The following SYTL2 variants were observed in gnomAD, a reference collection of about 807,000 sequenced individuals.
The protein encoded by SYTL2 is synaptotagmin-like protein 2.
In SYTL2, 165 loss-of-function variants were observed where a neutral mutation model predicts 198.7. The ratio of observed to expected loss-of-function variants is 0.83; its 90% CI spans 0.73 to 0.94. The LOEUF (loss-of-function observed/expected upper bound fraction) is 0.94. Ranked by LOEUF, SYTL2 falls within the 40% of genes least tolerant of loss-of-function variation. The pLI is 0.00. For synonymous variants in SYTL2, 966 were observed against 917.7 expected (o/e 1.05, Z -0.95); for missense variants, 2,835 against 2,582.8 (o/e 1.10, Z -2.12).
rs1391278869 is a variant in SYTL2 at position 85,724,425 on chromosome 11, CA to C, written c.4932del (p.Val1645Ter). 4 of 1,607,646 alleles carry C rather than the reference CA, an allele frequency of 2.5e-6. No homozygotes were observed. The highest frequency in any genetic ancestry group is 2.5e-6 in the Non-Finnish European group (3 of 1,177,550). ...QCDKMLGGDA[L>X]VTDLLVDFCG... ...CAAAAATCTACCAATAAATCAGTCA[CA>C]AGTGCGTCTCCTCCCAACATTTTAT... On this transcript the variant is annotated frameshift_variant, in exon 8 of 20. Coordinates refer to ENST00000359152, the MANE Select transcript of SYTL2 (RefSeq NM_206927.4). LOFTEE classifies it high-confidence loss of function.
chr11:85,769,621 C>A (rs556140556), intron 1 of SYTL2, among the ~76,000 whole-genome samples: 1 of 152,200 alleles, frequency 6.6e-6, no homozygotes, highest in South Asian at 2.1e-4. Flanking sequence ...TCTGAGGACA[C>A]GATGTTACTT....
chr11:85,812,092 G>A (rs1379922110), upstream of SYTL2, among the ~76,000 whole-genome samples: 1 of 152,194 alleles, frequency 6.6e-6, no homozygotes, highest in Non-Finnish European at 1.5e-5. Context: ...GGGTGACAGA[G>A]CAAGACTCTG....
intron 1 of SYTL2, among the ~76,000 whole-genome samples, chr11:85,799,965 A>C (rs1334054596): frequency 2.6e-5 from 4 of 152,204 alleles, no homozygotes; most frequent in African/African-American, 9.6e-5. Flanking sequence ...ACAAATGTTC[A>C]CTGTTTAATA....
chr11:85,825,201 A>C, the SYTL2 span, among the ~76,000 whole-genome samples: 1 of 152,060 alleles, frequency 6.6e-6, no homozygotes, highest in Non-Finnish European at 1.5e-5. Context: ...ATCCCGGCTA[A>C]AACGGTGAAA....
chr11:85,729,579 A>C (rs2153475316), intron 7 of SYTL2, among the ~76,000 whole-genome samples: 1 of 152,342 alleles, frequency 6.6e-6, no homozygotes, highest in African/African-American at 2.4e-5. Flanking sequence ...TCTCTGGGAC[A>C]CAGCTAAACC....
intron 1 of SYTL2, among the ~76,000 whole-genome samples, chr11:85,800,938 C>T (rs1409636107): frequency 1.3e-5 from 2 of 152,222 alleles, no homozygotes; most frequent in Non-Finnish European, 2.9e-5. Flanking sequence ...CCCCAAGGAA[C>T]CCAGGTAATG....
intron 1 of SYTL2, among the ~76,000 whole-genome samples, chr11:85,773,791 A>C: frequency 6.6e-6 from 1 of 152,364 alleles, no homozygotes. Context: ...ACTGTCTCTA[A>C]GCCTTTGCCT....
At chr11:85,781,285 G>GT (rs2092555519) in intron 1 of SYTL2, among the ~76,000 whole-genome samples, 1 of 152,082 alleles carries the variant, frequency 6.6e-6, no homozygotes, top group Admixed American at 6.5e-5. Flanking sequence ...ATCAGATCTT[G>GT]TAAGAACTGA....
At chr11:85,696,657 G>A (rs930286397) in intron 18 of SYTL2, among the ~76,000 whole-genome samples, 4 of 152,004 alleles carry the variant, frequency 2.6e-5, no homozygotes, top group Non-Finnish European at 4.4e-5. Context: ...TCAACCTTAC[G>A]GACACTTGCT....
chr11:85,734,605 T>A lies in SYTL2; in HGVS notation c.724A>T (p.Ile242Phe), dbSNP rs150613443. The A allele has an allele frequency of 6.2e-7, 1 of 1,614,212 alleles. No homozygotes were observed. The highest frequency in any genetic ancestry group is 8.5e-7 in the Non-Finnish European group (1 of 1,180,026). ...KAPIPKARKM[I>F]YKSTDLNKDD... ...TTGTTTAAATCAGTTGATTTGTAGA[T>A]CATCTTCCTGGCTTTGGGGATTGGA... Residue 242 changes from isoleucine (I) to phenylalanine (F), a missense_variant, in exon 7 of 20, where the codon ATC becomes TTC. Physicochemically the swap from Ile to Phe is conservative, Grantham distance 21. This residue lies in a region of SYTL2 where 2,645 missense variants were observed against 2,381.7 expected (regional missense o/e 1.11). Coordinates refer to ENST00000359152, the MANE Select transcript of SYTL2 (RefSeq NM_206927.4).
Position 85,725,368 on chromosome 11 carries a change from ATCTTGG to A in SYTL2, c.3984_3989del (p.Gln1329_Asp1330del). 1 of 1,614,044 alleles carries A rather than the reference ATCTTGG, an allele frequency of 6.2e-7. No individual in the cohort carries two copies. Among genetic ancestry groups the A allele is most frequent in the Non-Finnish European group, 8.5e-7 (1 of 1,179,978 alleles). On this transcript the variant is annotated inframe_deletion, in exon 8 of 20. Transcript: ENST00000359152. ...GATGAGCATCCTGGGGAAAAAGCAT[ATCTTGG>A]GGAGGGCTGGCCACATCCCCAAAAG...
rs1460248611 is a variant in SYTL2, at chr11:85,727,870, T to C, written c.1488A>G (p.Leu496=). ...QQGKPPPLPA[L]KAKTSSRSGP... ...CAGAACGTGAAGATGTCTTAGCTTT[T>C]AGAGCCGGGAGAGGAGGGGGCTTAC... The change falls in exon 8 of 20, where the codon CTA becomes CTG. Residue 496 remains leucine, a synonymous_variant. Coordinates refer to ENST00000359152, the MANE Select transcript of SYTL2 (RefSeq NM_206927.4). The C allele has an allele frequency of 1.9e-6, 3 of 1,613,102 alleles. No homozygotes were observed. Among genetic ancestry groups the C allele is most frequent in the Non-Finnish European group, 1.7e-6 (2 of 1,179,700 alleles).
At position 85,726,262 on chromosome 11, in the gene SYTL2, A is replaced by G. The variant is rs760903255; in HGVS notation, c.3096T>C (p.Asn1032=). 2 of 1,613,644 alleles carry G rather than the reference A, an allele frequency of 1.2e-6. No individual in the cohort carries two copies. The highest frequency in any genetic ancestry group is 1.1e-5 in the South Asian group (1 of 90,966). ...EFSDIKLSGK[N]THEAEVLLSP... is the part of the protein sequence containing the mutation. Reference sequence around the variant, plus strand: ...TTAGAAGCACCTCTGCTTCATGGGTATTTTTACCTGATAATTTAATGTCGC... The same window carrying G: ...TTAGAAGCACCTCTGCTTCATGGGTGTTTTTACCTGATAATTTAATGTCGC... The change falls in exon 8 of 20, where the codon AAT becomes AAC. Residue 1032 remains asparagine, a synonymous_variant. Transcript: ENST00000359152.
the SYTL2 span, among the ~76,000 whole-genome samples, chr11:85,838,101 C>A: frequency 6.6e-6 from 1 of 152,208 alleles, no homozygotes; most frequent in Non-Finnish European, 1.5e-5. Flanking sequence ...CAAAATCACT[C>A]TGTTTAAGAA....
Position 85,726,033 on chromosome 11 carries a change from A to G in SYTL2, c.3325T>C (p.Tyr1109His). The change falls in exon 8 of 20, where the codon TAC becomes CAC. Residue 1109 changes from tyrosine (Y) to histidine (H), a missense_variant. Around this residue, in one of 3 missense-constraint regions of SYTL2, gnomAD observed 2,645 missense variants for 2,381.7 expected, o/e 1.11. Coordinates refer to ENST00000359152, the MANE Select transcript of SYTL2 (RefSeq NM_206927.4). The part of the protein sequence containing the change: ...VTPVFKEEKD[Y>H]SEQEIQESII... ...GATTCTTGAATCTCTTGTTCTGAGT[A>G]ATCCTTTTCTTCCTTAAACACTGGA... is the stretch of plus-strand genomic sequence containing the variant. The G allele has an allele frequency of 6.2e-7, 1 of 1,612,912 alleles. No homozygotes were observed. Among genetic ancestry groups the G allele is most frequent in the Non-Finnish European group, 8.5e-7 (1 of 1,179,626 alleles).
the SYTL2 span, among the ~76,000 whole-genome samples, chr11:85,827,018 C>A: frequency 6.6e-6 from 1 of 152,194 alleles, no homozygotes; most frequent in African/African-American, 2.4e-5. Context: ...CCGAAGGACC[C>A]AGTAACCCAG....
At position 85,695,029 on chromosome 11, in the gene SYTL2, G is replaced by T; in HGVS notation, c.*166C>A. On this transcript the variant is annotated 3_prime_UTR_variant, in exon 20 of 20. Transcript: ENST00000359152. The stretch of plus-strand genomic sequence containing the variant: ...CATTTTGTTATATTTAAATCCCTTG[G>T]GCCTTGTAATCAAAGAAGCACATGC... The T allele has an allele frequency of 1.9e-6, 1 of 540,322 alleles. No individual in the cohort carries two copies. 33.5% of individuals were successfully genotyped at this position (540,322 alleles called of 1,614,324 possible).
In SYTL2 at chr11:85,725,754, G is replaced by A. The variant is rs747306513; in HGVS notation, c.3604C>T (p.Pro1202Ser). 233 of 1,614,006 alleles carry A rather than the reference G, an allele frequency of 1.4e-4. No homozygotes were observed. The highest frequency in any genetic ancestry group is 1.9e-4 in the Non-Finnish European group (230 of 1,180,006). The change falls in exon 8 of 20, where the codon CCA (proline) becomes TCA (serine). Residue 1202 changes from proline to serine, a missense_variant. Around this residue, in one of 3 missense-constraint regions of SYTL2, gnomAD observed 2,645 missense variants for 2,381.7 expected, o/e 1.11. Transcript: ENST00000359152. ...GTCAAAGAGTTCCGTTTAACCTTTG[G>A]ATGAACTACTGTTTTGTCAACATGC... ...NEHVDKTVVH[P>S]KVKRNSLTAS...
chr11:85,746,202 C>T (rs1011585550), intron 3 of SYTL2, among the ~76,000 whole-genome samples: 2 of 152,094 alleles, frequency 1.3e-5, no homozygotes, highest in African/African-American at 4.8e-5. Context: ...CTTGTATGTG[C>T]TCTAAGATAC....
Sources: gnomAD v4.1 joint callset for allele counts (sites outside exome capture counted in the v4.1 genomes callset) on GRCh38, gnomAD v4.1.1 for gene constraint, gnomAD v4.1.1 regional missense constraint, MANE v1.5 for transcripts, NCBI Gene and HGNC (gene_info 2026-07-23, HGNC 2026-07-21) for gene names.